The following BLTP3A variants were observed in gnomAD, a reference collection of about 807,000 sequenced individuals.
The protein encoded by BLTP3A is bridge-like lipid transfer protein family member 3A, also known as ICBP90 binding protein 1.
At chr6:34,805,565 G>C in the BLTP3A span, among the ~76,000 whole-genome samples, 30 of 149,250 alleles carry the variant, frequency 2.0e-4, no homozygotes, top group African/African-American at 6.7e-4. Context: ...TGCACCCCAG[G>C]CTGGGCAGCA....
At chr6:34,843,971 ATTTTGTTTTTGT>A in the BLTP3A span, among the ~76,000 whole-genome samples, 23 of 151,716 alleles carry the variant, frequency 1.5e-4, no homozygotes, top group African/African-American at 2.2e-4. Flanking sequence ...TTGTAGTTTT[ATTTTGTTTTTGT>A]TTTTGTTTTT....
the BLTP3A span, among the ~76,000 whole-genome samples, chr6:34,806,726 A>G: frequency 3.9e-5 from 6 of 152,244 alleles, no homozygotes; most frequent in Non-Finnish European, 8.8e-5. Flanking sequence ...CAGTGGCGCA[A>G]TCTTAGCTCA....
At chr6:34,849,281 C>T in the BLTP3A span, among the ~76,000 whole-genome samples, 1 of 152,024 alleles carries the variant, frequency 6.6e-6, no homozygotes, top group Non-Finnish European at 1.5e-5. Flanking sequence ...GCATGCACCA[C>T]CACAACTGGC....
the BLTP3A span, among the ~76,000 whole-genome samples, chr6:34,821,115 C>G: frequency 6.6e-6 from 1 of 152,090 alleles, no homozygotes; most frequent in South Asian, 2.1e-4. Flanking sequence ...CGCCACCACA[C>G]CCGGCTAATT....
chr6:34,827,426 T>C, the BLTP3A span, among the ~76,000 whole-genome samples: 13 of 152,332 alleles, frequency 8.5e-5, no homozygotes, highest in African/African-American at 3.1e-4. Context: ...CTGGATTTAA[T>C]AGTGGTTTTT....
At chr6:34,872,421 C>A in the BLTP3A span, 3 of 1,610,000 alleles carry the variant, frequency 1.9e-6, no homozygotes, top group Admixed American at 3.4e-5. Flanking sequence ...GAAATATAAC[C>A]CCTTCTTTGA....
At chr6:34,846,291 C>G in the BLTP3A span, among the ~76,000 whole-genome samples, 1 of 151,610 alleles carries the variant, frequency 6.6e-6, no homozygotes, top group Admixed American at 6.6e-5. Flanking sequence ...AATACAGGCA[C>G]CCACCACCAC....
the BLTP3A span, chr6:34,872,366 G>C: frequency 6.2e-7 from 1 of 1,613,042 alleles, no homozygotes; most frequent in African/African-American, 1.3e-5. Flanking sequence ...AACAAGCCTT[G>C]GCCAATGCCA....
the BLTP3A span, among the ~76,000 whole-genome samples, chr6:34,820,602 A>G: frequency 6.6e-6 from 1 of 150,968 alleles, no homozygotes; most frequent in African/African-American, 2.4e-5. Flanking sequence ...ATGGGGATTT[A>G]TGAAGATACT....
the BLTP3A span, among the ~76,000 whole-genome samples, chr6:34,819,141 CT>C: frequency 5.7e-3 from 760 of 133,592 alleles, 3 homozygotes; most frequent in Non-Finnish European, 9.0e-3. Flanking sequence ...GACAGTTTTT[CT>C]TTTTTTTTTT....
At chr6:34,834,377 A>T in the BLTP3A span, 1 of 1,613,376 alleles carries the variant, frequency 6.2e-7, no homozygotes, top group Non-Finnish European at 8.5e-7. Context: ...CCTTCGCCTT[A>T]CCCGCATCAC....
the BLTP3A span, among the ~76,000 whole-genome samples, chr6:34,818,890 T>G: frequency 6.6e-6 from 1 of 152,208 alleles, no homozygotes; most frequent in South Asian, 2.1e-4. Flanking sequence ...CTTTTGCACG[T>G]CATGATTTTA....
the BLTP3A span, chr6:34,859,416 T>G: frequency 6.2e-7 from 1 of 1,614,030 alleles, no homozygotes; most frequent in African/African-American, 1.3e-5. Context: ...AATTGTCAAG[T>G]GCTATTCACA....
At chr6:34,857,887 G>C in the BLTP3A span, 217 of 1,613,864 alleles carry the variant, frequency 1.3e-4, 3 homozygotes, top group East Asian at 4.8e-3. Context: ...ATGAACACTT[G>C]GACATCCGAC....
At chr6:34,836,160 C>T in the BLTP3A span, 1 of 1,614,062 alleles carries the variant, frequency 6.2e-7, no homozygotes, top group Non-Finnish European at 8.5e-7. Flanking sequence ...ATGTAGATCA[C>T]TCCACCAGCC....
chr6:34,858,362 C>T, the BLTP3A span: 1 of 1,614,026 alleles, frequency 6.2e-7, no homozygotes, highest in African/African-American at 1.3e-5. Context: ...TTGCATCATG[C>T]CTTTCAGATG....
chr6:34,857,668 A>G, the BLTP3A span: 2 of 1,540,344 alleles, frequency 1.3e-6, no homozygotes, highest in Admixed American at 3.5e-5. Context: ...ATTAGGTAGT[A>G]AGAGCCTAGC....
chr6:34,809,716 G>A, the BLTP3A span, among the ~76,000 whole-genome samples: 1 of 151,818 alleles, frequency 6.6e-6, no homozygotes, highest in East Asian at 1.9e-4. Flanking sequence ...CACCATGCCC[G>A]GCTAATTTTT....
the BLTP3A span, among the ~76,000 whole-genome samples, chr6:34,817,533 C>T: frequency 6.6e-6 from 1 of 152,150 alleles, no homozygotes; most frequent in Non-Finnish European, 1.5e-5. Context: ...GACTTTATTA[C>T]TCACAGCCTG....
Sources: gnomAD v4.1 joint callset for allele counts (sites outside exome capture counted in the v4.1 genomes callset) on GRCh38, gnomAD v4.1.1 for gene constraint, MANE v1.5 for transcripts, NCBI Gene and HGNC (gene_info 2026-07-23, HGNC 2026-07-21) for gene names.